Variants in KLHL29 observed in about 807,000 individuals in gnomAD.
KLHL29 encodes kelch like family member 29.
KLHL29 carries 21 observed loss-of-function variants against 80.4 expected under a neutral mutation model. The ratio of observed to expected loss-of-function variants is 0.26; its 90% CI spans 0.19 to 0.38. The LOEUF (loss-of-function observed/expected upper bound fraction) is 0.38, where lower values mean the gene tolerates loss of function less well. Among genes scored for constraint, KLHL29 ranks in the 10% least tolerant of loss-of-function variants. The probability of loss-of-function intolerance (pLI) is 1.00; values close to 1 mark genes in which losing one functional copy is unlikely to be tolerated. For synonymous variants in KLHL29, 511 were observed against 526.8 expected (o/e 0.97, Z 0.41); for missense variants, 867 against 1,223.9 (o/e 0.71, Z 4.35).
rs918454070 is a variant in KLHL29, at chr2:23,493,685, G to A, written c.-46+18018G>A. Among the ~76,000 whole-genome samples the A allele has an allele frequency of 3.3e-5, 5 of 152,224 alleles. No individual in the cohort carries two copies. The East Asian group carries it at 9.7e-4, about 29-fold the overall frequency. ...CGCATGTGTGTGCATGTGTATGTGT[G>A]TGTGCATGTTTATGCGTGTGTGTCT... On this transcript the variant is annotated intron_variant, in intron 2 of 13. Coordinates refer to ENST00000486442, the MANE Select transcript of KLHL29 (RefSeq NM_052920.2).
intron 5 of KLHL29, among the ~76,000 whole-genome samples, chr2:23,646,837 C>G (rs1365096836): frequency 2.0e-5 from 3 of 152,328 alleles, no homozygotes; most frequent in East Asian, 1.9e-4. Flanking sequence ...CCTCACTTCT[C>G]TAAGCCTCTT....
In KLHL29 at chr2:23,617,011, G is replaced by A. The variant is rs562758832; in HGVS notation, c.286-22128G>A. The A allele has an allele frequency of 3.9e-5, 6 of 152,364 alleles. No homozygotes were observed. In the East Asian group the frequency reaches 1.2e-3, roughly 29 times the overall value. The allele number at this position is 152,364 out of a possible 1,614,324, so 9.4% of individuals were successfully genotyped here. ...CCAGCCCGGTTTGAGTTGTAAGCTG[G>A]TGAAATAGAAGAATCCTTGTGAAAA... On this transcript the variant is annotated intron_variant, in intron 3 of 13. Transcript: ENST00000486442.
intron 2 of KLHL29, among the ~76,000 whole-genome samples, chr2:23,508,722 C>G (rs1021094705): frequency 4.6e-5 from 7 of 152,240 alleles, no homozygotes; most frequent in African/African-American, 1.7e-4. Flanking sequence ...TGTGCAGATT[C>G]CTGAGGTGGG....
intron 3 of KLHL29, among the ~76,000 whole-genome samples, chr2:23,569,024 A>C (rs778718371): frequency 3.3e-5 from 5 of 152,224 alleles, no homozygotes; most frequent in Non-Finnish European, 7.3e-5. Context: ...GGGATCTCGC[A>C]GGTACACTGA....
intron 1 of KLHL29, among the ~76,000 whole-genome samples, chr2:23,430,697 A>G (rs147736020): frequency 9.6e-4 from 146 of 152,300 alleles, no homozygotes; most frequent in African/African-American, 3.3e-3. Context: ...AGCCCACAGG[A>G]TCTCTTCCTT....
At chr2:23,651,054 A>G (rs1279943776) in intron 5 of KLHL29, among the ~76,000 whole-genome samples, 1 of 152,232 alleles carries the variant, frequency 6.6e-6, no homozygotes, top group Non-Finnish European at 1.5e-5. Flanking sequence ...CTAGAAATGT[A>G]AGGGGTAAAA....
chr2:23,604,346 C>T (rs533273070), intron 3 of KLHL29, among the ~76,000 whole-genome samples: 3 of 152,228 alleles, frequency 2.0e-5, no homozygotes, highest in Non-Finnish European at 2.9e-5. Flanking sequence ...CTGCCTGCCT[C>T]GGCCTCCCAG....
chr2:23,642,846 C>T lies in KLHL29; in HGVS notation c.936C>T (p.Pro312=). 1 of 1,550,394 alleles carries T rather than the reference C, an allele frequency of 6.4e-7. No individual in the cohort carries two copies. The highest frequency in any genetic ancestry group is 8.7e-7 in the Non-Finnish European group (1 of 1,146,876). The change falls in exon 5 of 14, where the codon CCC becomes CCT. Residue 312 remains proline (P), a synonymous_variant. Coordinates refer to ENST00000486442, the MANE Select transcript of KLHL29 (RefSeq NM_052920.2). ...GKYEFTDPGH[P]REMLKELNQQ... ...ATGAGTTCACCGACCCGGGGCACCC[C>T]AGAGGTAAGTCCTGCTGCCACGTGC...
chr2:23,397,129 A>G (rs1348821142), intron 1 of KLHL29, among the ~76,000 whole-genome samples: 1 of 152,180 alleles, frequency 6.6e-6, no homozygotes, highest in Non-Finnish European at 1.5e-5. Context: ...GACAGAGGGA[A>G]GGTCGCAGGC....
chr2:23,622,378 C>T (rs531629747), intron 3 of KLHL29, among the ~76,000 whole-genome samples: 108 of 152,328 alleles, frequency 7.1e-4, no homozygotes, highest in Non-Finnish European at 1.3e-3. Flanking sequence ...ACCACCATCC[C>T]GCTCACATCA....
At chr2:23,390,324 C>T (rs1666285984) in intron 1 of KLHL29, among the ~76,000 whole-genome samples, 1 of 152,142 alleles carries the variant, frequency 6.6e-6, no homozygotes, top group African/African-American at 2.4e-5. Flanking sequence ...GACTGTGCAG[C>T]TGCAAATGAT....
chr2:23,438,639 C>T (rs1663416113), intron 1 of KLHL29, among the ~76,000 whole-genome samples: 1 of 149,282 alleles, frequency 6.7e-6, no homozygotes, highest in South Asian at 2.1e-4. Flanking sequence ...ATTGAACCAG[C>T]CTTGCATCCC....
At position 23,529,578 on chromosome 2, in the gene KLHL29, C is replaced by T. The variant is rs1572381025; in HGVS notation, c.-45-32574C>T. ...TCCCCCCACCTCAGCCCCTGTTGCC[C>T]ACCCGCCCCCACCAAAGCACAGGCT... On this transcript the variant is annotated intron_variant, in intron 2 of 13. Coordinates refer to ENST00000486442, the MANE Select transcript of KLHL29 (RefSeq NM_052920.2). Among the ~76,000 whole-genome samples the T allele has an allele frequency of 4.6e-5, 7 of 152,254 alleles. No homozygotes were observed. The South Asian group carries it at 1.0e-3, about 23-fold the overall frequency.
chr2:23,620,969 C>G (rs927161109), intron 3 of KLHL29, among the ~76,000 whole-genome samples: 1 of 152,228 alleles, frequency 6.6e-6, no homozygotes, highest in African/African-American at 2.4e-5. Flanking sequence ...AAGCCGGACT[C>G]CCGTCATGAA....
In KLHL29 at chr2:23,562,106, C is replaced by T; in HGVS notation, c.-45-46C>T. The T allele has an allele frequency of 1.4e-6, 2 of 1,464,538 alleles. No homozygotes were observed. Among genetic ancestry groups the T allele is most frequent in the Non-Finnish European group, 1.8e-6 (2 of 1,083,810 alleles). The allele number at this position is 1,464,538 out of a possible 1,614,324, so 90.7% of individuals were successfully genotyped here. On this transcript the variant is annotated intron_variant, in intron 2 of 13. Coordinates refer to ENST00000486442, the MANE Select transcript of KLHL29 (RefSeq NM_052920.2). The surrounding 1 kb of genome is among the most constrained non-coding windows in gnomAD (Gnocchi z 4.5). Reference sequence around the variant, plus strand: ...TCATGGATGCTGTCAGTTGTCGCTGCCTGCTCCAGTCCTAAATCACCCTTC... The same window carrying T: ...TCATGGATGCTGTCAGTTGTCGCTGTCTGCTCCAGTCCTAAATCACCCTTC...
chr2:23,665,315 T>C (rs1356037778), intron 5 of KLHL29, among the ~76,000 whole-genome samples: 1 of 152,152 alleles, frequency 6.6e-6, no homozygotes, highest in African/African-American at 2.4e-5. Context: ...GCCCAGAGAT[T>C]TCTATGCTTG....
chr2:23,545,502 G>T (rs899616787), intron 2 of KLHL29, among the ~76,000 whole-genome samples: 7 of 152,234 alleles, frequency 4.6e-5, no homozygotes, highest in African/African-American at 1.7e-4. Context: ...GCGTCCTCGG[G>T]GTGGGGTGTC....
chr2:23,463,071 G>T (rs1572336663), intron 1 of KLHL29, among the ~76,000 whole-genome samples: 1 of 147,536 alleles, frequency 6.8e-6, no homozygotes, highest in Non-Finnish European at 1.5e-5. Context: ...TGCCTCCCAT[G>T]TTTTTTTTTC....
At chr2:23,476,712 A>G (rs910330210) in intron 2 of KLHL29, among the ~76,000 whole-genome samples, 2 of 152,262 alleles carry the variant, frequency 1.3e-5, no homozygotes, top group African/African-American at 4.8e-5. Flanking sequence ...TTGCATATGT[A>G]TCTGCATAGT....
Sources: gnomAD v4.1 joint callset for allele counts (sites outside exome capture counted in the v4.1 genomes callset) on GRCh38, gnomAD v4.1.1 for gene constraint, Gnocchi (gnomAD v3.1) non-coding constraint, MANE v1.5 for transcripts, NCBI Gene and HGNC (gene_info 2026-07-23, HGNC 2026-07-21) for gene names.